The following RNF175 variants were observed in gnomAD, a reference collection of about 807,000 sequenced individuals.
The protein encoded by RNF175 is ring finger protein 175.
In RNF175, 38 loss-of-function variants were observed where a neutral mutation model predicts 50.0. The ratio of observed to expected loss-of-function variants is 0.76; its 90% CI spans 0.59 to 1.00. The LOEUF (loss-of-function observed/expected upper bound fraction) is 1.00, where lower values mean the gene tolerates loss of function less well. Among genes scored for constraint, RNF175 ranks in the 50% least tolerant of loss-of-function variants. RNF175 has a pLI of 0.00. For missense variants in RNF175, 388 were observed against 409.6 expected (o/e 0.95, Z 0.46); for synonymous variants, 155 against 146.1 (o/e 1.06, Z -0.44).
chr4:153,743,603 A>G (rs1273359792), intron 3 of RNF175, among the ~76,000 whole-genome samples: 1 of 152,116 alleles, frequency 6.6e-6, no homozygotes, highest in Non-Finnish European at 1.5e-5. Context: ...GATCACCATG[A>G]TCATTATCAT....
chr4:153,728,178 C>T (rs1360597876), intron 4 of RNF175, 29 bp downstream of exon 4: 2 of 1,530,926 alleles, frequency 1.3e-6, no homozygotes, highest in Non-Finnish European at 1.8e-6. Flanking sequence ...TAAAGGGGCT[C>T]CTGGGGAAGG....
intron 3 of RNF175, among the ~76,000 whole-genome samples, chr4:153,734,935 C>T (rs1739274521): frequency 6.6e-6 from 1 of 152,064 alleles, no homozygotes; most frequent in South Asian, 2.1e-4. Flanking sequence ...CTCGGCCTCC[C>T]AAAGTGCAGG....
chr4:153,748,728 T>C lies in RNF175; in HGVS notation c.163A>G (p.Met55Val). 6.2e-7 allele frequency: 1 copy of C among 1,611,454 alleles called. No homozygotes were observed. The highest frequency in any genetic ancestry group is 1.7e-5 in the Admixed American group (1 of 59,776). Residue 55 changes from methionine to valine, a missense_variant, in exon 3 of 9, where the codon ATG becomes GTG. Met to Val is a conservative substitution (Grantham distance 21). Coordinates refer to ENST00000347063, the MANE Select transcript of RNF175 (RefSeq NM_173662.4). ...HRGHDSMHVE[M>V]ILIFLCVLVI... ...AGAACGCAGAGGAAGATCAAGATCA[T>C]TTCCACGTGCATGGAATCGTGGCCC... is the stretch of plus-strand genomic sequence containing the variant.
intron 1 of RNF175, among the ~76,000 whole-genome samples, chr4:153,756,947 G>GT (rs1383394395): frequency 6.6e-6 from 1 of 152,164 alleles, no homozygotes; most frequent in Non-Finnish European, 1.5e-5. Flanking sequence ...TCTTCAAACA[G>GT]TAAGAGTGTT....
intron 4 of RNF175, among the ~76,000 whole-genome samples, chr4:153,726,251 C>T (rs768803124): frequency 1.3e-5 from 2 of 152,080 alleles, no homozygotes; most frequent in African/African-American, 4.8e-5. Context: ...ATTACAAGCA[C>T]CTGCCACCAC....
chr4:153,725,174 G>T (rs1306259309), intron 4 of RNF175, among the ~76,000 whole-genome samples: 1 of 151,996 alleles, frequency 6.6e-6, no homozygotes, highest in Non-Finnish European at 1.5e-5. Context: ...AACTTGCATG[G>T]GCTGCAGAAG....
chr4:153,726,312 C>T (rs1738697525), intron 4 of RNF175, among the ~76,000 whole-genome samples: 1 of 152,166 alleles, frequency 6.6e-6, no homozygotes, highest in African/African-American at 2.4e-5. Context: ...ACCATGTTTG[C>T]CAGGCTGGTC....
At position 153,715,577 on chromosome 4, in the gene RNF175, T is replaced by C. The variant is rs1181258540; in HGVS notation, c.716A>G (p.Asp239Gly). The change falls in exon 7 of 9, where the codon GAT (aspartate) becomes GGT (glycine). Residue 239 changes from aspartate (D) to glycine (G), a missense_variant. By Grantham distance (94) the Asp-to-Gly change is moderately conservative. Transcript: ENST00000347063. ...GGTGTTTTCAATGAGCCCTTCTTCA[T>C]CAAGCTCCACAATGATCTTCTGCCC... ...VCGQKIIVELDEEGLIENTYQ... is the reference protein window; with the variant it reads ...VCGQKIIVELGEEGLIENTYQ... 1 of 1,613,042 alleles carries C rather than the reference T, an allele frequency of 6.2e-7. No individual in the cohort carries two copies. The highest frequency in any genetic ancestry group is 1.3e-5 in the African/African-American group (1 of 74,942).
chr4:153,731,993 A>G (rs558212704), intron 3 of RNF175, among the ~76,000 whole-genome samples: 1 of 152,198 alleles, frequency 6.6e-6, no homozygotes, highest in Admixed American at 6.5e-5. Context: ...GGACTTTGGG[A>G]GGCCGAGATG....
rs200592961 is a variant in RNF175, at chr4:153,715,703, C to A, written c.631-41G>T. ...GACAGAGCACAGTCAGAAAGGAGAG[C>A]ACATGCCACTCTCTGAATGCAGGAA... On this transcript the variant is annotated intron_variant, in intron 6 of 8. Coordinates refer to ENST00000347063, the MANE Select transcript of RNF175 (RefSeq NM_173662.4). 4.4e-6 allele frequency: 7 copies of A among 1,589,080 alleles called. No individual in the cohort carries two copies. In the African/African-American group the frequency reaches 8.1e-5, roughly 18 times the overall value.
intron 2 of RNF175, among the ~76,000 whole-genome samples, chr4:153,750,713 A>G (rs1740245382): frequency 6.6e-6 from 1 of 152,220 alleles, no homozygotes; most frequent in South Asian, 2.1e-4. Context: ...AAGAAAAATG[A>G]AAAGAATACA....
At chr4:153,710,583 T>C in intron 8 of RNF175, 94 bp from the exon 9 acceptor site, 1 of 1,193,420 alleles carries the variant, frequency 8.4e-7, no homozygotes, top group Non-Finnish European at 1.2e-6. Context: ...ATGTAATGAA[T>C]GGGTATTTCC....
At chr4:153,750,762 T>C (rs958265652) in intron 2 of RNF175, among the ~76,000 whole-genome samples, 3 of 152,190 alleles carry the variant, frequency 2.0e-5, no homozygotes, top group Non-Finnish European at 4.4e-5. Context: ...AAATCTAAAA[T>C]AGCTGTTTAA....
At chr4:153,759,567 G>A (rs375518857) in intron 1 of RNF175, among the ~76,000 whole-genome samples, 175 of 152,276 alleles carry the variant, frequency 1.1e-3, no homozygotes, top group Non-Finnish European at 2.1e-3. Context: ...GGAAAGGAAG[G>A]TAGCGGGGAG....
chr4:153,712,395 C>A, intron 8 of RNF175, 80 bp downstream of exon 8: 1 of 965,374 alleles, frequency 1.0e-6, no homozygotes, highest in Non-Finnish European at 1.6e-6. Flanking sequence ...TATACAAAAA[C>A]ACTGAAACTT....
At chr4:153,749,310 T>C (rs575850977) in intron 2 of RNF175, among the ~76,000 whole-genome samples, 1 of 152,398 alleles carries the variant, frequency 6.6e-6, no homozygotes, top group South Asian at 2.1e-4. Context: ...ATAATTATTA[T>C]TGAGCTGCAT....
chr4:153,742,355 A>G (rs984133309), intron 3 of RNF175, among the ~76,000 whole-genome samples: 10 of 152,182 alleles, frequency 6.6e-5, no homozygotes, highest in African/African-American at 2.4e-4. Flanking sequence ...TTGAAAAAAA[A>G]CAATTCATTA....
chr4:153,753,461 C>T (rs565266673), intron 1 of RNF175, among the ~76,000 whole-genome samples: 127 of 152,280 alleles, frequency 8.3e-4, no homozygotes, highest in Middle Eastern at 3.4e-3. Context: ...CCTCTAGATC[C>T]GGCTGCAGGG....
At chr4:153,744,031 T>G (rs760949789) in intron 3 of RNF175, among the ~76,000 whole-genome samples, 6 of 152,194 alleles carry the variant, frequency 3.9e-5, no homozygotes, top group Non-Finnish European at 8.8e-5. Flanking sequence ...CACTTACACT[T>G]ACTGGTGCAG....
Sources: allele counts gnomAD v4.1 joint callset (sites outside exome capture counted in the v4.1 genomes callset), GRCh38; gene constraint gnomAD v4.1.1; transcripts MANE v1.5; gene names NCBI Gene and HGNC (gene_info 2026-07-23, HGNC 2026-07-21).